The following TENM3 variants were observed in gnomAD, a reference collection of about 807,000 sequenced individuals.
TENM3 encodes the protein teneurin transmembrane protein 3.
Under a neutral mutation model 255.1 loss-of-function variants are expected in TENM3, and 63 were observed. The ratio of observed to expected loss-of-function variants is 0.25; its 90% CI spans 0.20 to 0.30. TENM3 has a LOEUF of 0.30. Ranked by LOEUF, TENM3 falls within the 10% of genes least tolerant of loss-of-function variation. The probability of loss-of-function intolerance (pLI) is 1.00; values close to 1 mark genes in which losing one functional copy is unlikely to be tolerated. For synonymous variants in TENM3, 1,306 were observed against 1,322.3 expected (o/e 0.99, Z 0.27); for missense variants, 2,929 against 3,461.1 (o/e 0.85, Z 3.86).
At chr4:181,822,829 AT>A in the TENM3 span, among the ~76,000 whole-genome samples, 1 of 152,184 alleles carries the variant, frequency 6.6e-6, no homozygotes, top group African/African-American at 2.4e-5. Context: ...TCCAGGTTTA[AT>A]TTTGGGCAAA....
intron 1 of TENM3, among the ~76,000 whole-genome samples, chr4:182,286,130 A>G (rs1760713913): frequency 6.6e-6 from 1 of 152,182 alleles, no homozygotes. Flanking sequence ...CCTAAACTGC[A>G]GGGCATGTTT....
Position 182,455,802 on chromosome 4 carries a change from TC to T in TENM3, c.511+108875del, listed in dbSNP as rs201929881. ...GTCTCGAACTCCTGACCTCAGGTGA[TC>T]CACCCGCCTCAGCCTCCCAAAGTGC... On this transcript the variant is annotated intron_variant, in intron 3 of 27. Transcript: ENST00000511685. 9.5e-3 allele frequency among the ~76,000 whole-genome samples: 1,444 copies of T among 152,238 alleles called. 24 individuals carry two copies. Among genetic ancestry groups the T allele is most frequent in the Admixed American group, 0.025 (381 of 15,288 alleles).
the TENM3 span, among the ~76,000 whole-genome samples, chr4:182,091,884 A>T: frequency 2.0e-5 from 3 of 152,274 alleles, 1 homozygote; most frequent in East Asian, 5.8e-4. Flanking sequence ...GCAATTGATA[A>T]ATAACCAGCA....
the TENM3 span, among the ~76,000 whole-genome samples, chr4:181,914,728 G>A: frequency 1.3e-5 from 2 of 152,194 alleles, no homozygotes; most frequent in Non-Finnish European, 2.9e-5. Flanking sequence ...GATAATTAAT[G>A]AGCTACATCC....
At chr4:182,088,572 A>G in the TENM3 span, among the ~76,000 whole-genome samples, 1 of 152,130 alleles carries the variant, frequency 6.6e-6, no homozygotes, top group African/African-American at 2.4e-5. Flanking sequence ...TTTTTTTAAA[A>G]AAGAGAGAGA....
At chr4:182,223,122 C>T (rs1024455416) in intron 1 of TENM3, among the ~76,000 whole-genome samples, 10 of 152,172 alleles carry the variant, frequency 6.6e-5, no homozygotes, top group Admixed American at 2.0e-4. Flanking sequence ...AGAGAAGAAA[C>T]TATGGTAGGG....
At chr4:181,782,458 G>C in the TENM3 span, among the ~76,000 whole-genome samples, 2 of 152,120 alleles carry the variant, frequency 1.3e-5, no homozygotes, top group Admixed American at 1.3e-4. Flanking sequence ...TGTGGGATCG[G>C]TGGTGATATC....
At chr4:182,083,542 G>A in the TENM3 span, among the ~76,000 whole-genome samples, 1 of 152,122 alleles carries the variant, frequency 6.6e-6, no homozygotes, top group Non-Finnish European at 1.5e-5. Context: ...AGTGGTAAAT[G>A]TGCCGCATTT....
chr4:182,274,424 A>G (rs1008875963), intron 1 of TENM3, among the ~76,000 whole-genome samples: 3 of 152,190 alleles, frequency 2.0e-5, no homozygotes, highest in Non-Finnish European at 4.4e-5. Flanking sequence ...AGTGTTTGGC[A>G]TGGCAACAAA....
At chr4:182,325,779 A>G (rs923027968) in intron 2 of TENM3, among the ~76,000 whole-genome samples, 2 of 152,138 alleles carry the variant, frequency 1.3e-5, no homozygotes, top group Non-Finnish European at 2.9e-5. Flanking sequence ...CCCAAACTCC[A>G]CATTGTGGAA....
the TENM3 span, among the ~76,000 whole-genome samples, chr4:181,529,456 A>G: frequency 3.3e-5 from 5 of 152,194 alleles, 1 homozygote; most frequent in South Asian, 4.1e-4. Context: ...CAGAAAACTC[A>G]AGGGAAATAG....
the TENM3 span, among the ~76,000 whole-genome samples, chr4:181,984,833 T>C: frequency 8.3e-4 from 107 of 128,774 alleles, 1 homozygote; most frequent in East Asian, 0.024. Flanking sequence ...TGTGTGTGTG[T>C]GCCTTTGAAA....
chr4:182,495,580 T>C (rs1352023973), intron 3 of TENM3, among the ~76,000 whole-genome samples: 5 of 152,270 alleles, frequency 3.3e-5, no homozygotes, highest in Admixed American at 1.3e-4. Context: ...TTTTAATGGA[T>C]ATTTGTGAGA....
the TENM3 span, among the ~76,000 whole-genome samples, chr4:182,131,305 G>A: frequency 1.3e-5 from 2 of 152,092 alleles, no homozygotes; most frequent in Admixed American, 6.5e-5. Flanking sequence ...AGCAAAATAC[G>A]TTTCGCCACA....
the TENM3 span, among the ~76,000 whole-genome samples, chr4:182,017,139 C>A: frequency 7.1e-3 from 1,086 of 152,338 alleles, 16 homozygotes; most frequent in East Asian, 0.052. Context: ...AATTTCCCTG[C>A]TAGCTGGTCC....
At chr4:181,616,542 T>A in the TENM3 span, among the ~76,000 whole-genome samples, 1 of 151,104 alleles carries the variant, frequency 6.6e-6, no homozygotes, top group Non-Finnish European at 1.5e-5. Flanking sequence ...ATATAATACA[T>A]GTATATTATA....
chr4:182,515,051 A>T (rs1166255930), intron 3 of TENM3, among the ~76,000 whole-genome samples: 1 of 152,194 alleles, frequency 6.6e-6, no homozygotes, highest in Non-Finnish European at 1.5e-5. Context: ...ATGCACAATA[A>T]TTTTTTATCC....
At chr4:182,171,817 G>T (rs1752129224) in intron 1 of TENM3, among the ~76,000 whole-genome samples, 1 of 152,080 alleles carries the variant, frequency 6.6e-6, no homozygotes, top group South Asian at 2.1e-4. Flanking sequence ...CTATTAAATA[G>T]TTTAAAATGA....
chr4:181,905,078 T>C, the TENM3 span, among the ~76,000 whole-genome samples: 1 of 152,148 alleles, frequency 6.6e-6, no homozygotes, highest in Middle Eastern at 3.4e-3. Flanking sequence ...GTCAAAAAGG[T>C]TTCTTTTGTA....
Sources: gnomAD v4.1 joint callset for allele counts (sites outside exome capture counted in the v4.1 genomes callset) on GRCh38, gnomAD v4.1.1 for gene constraint, MANE v1.5 for transcripts, NCBI Gene and HGNC (gene_info 2026-07-23, HGNC 2026-07-21) for gene names.